FAM107B: variants seen among roughly 807,000 people sequenced by gnomAD.
FAM107B encodes family with sequence similarity 107 member B.
In FAM107B, 21 loss-of-function variants were observed where a neutral mutation model predicts 31.5. The ratio of observed to expected loss-of-function variants is 0.67; its 90% CI spans 0.47 to 0.96. The LOEUF (loss-of-function observed/expected upper bound fraction) is 0.96. Ranked by LOEUF, FAM107B falls within the 40% of genes least tolerant of loss-of-function variation. The pLI, the probability that FAM107B is intolerant of heterozygous loss-of-function variation, is 0.00. For missense variants in FAM107B, 452 were observed against 377.1 expected, an observed-to-expected ratio of 1.20 and a Z score of -1.64; for synonymous variants, 157 against 141.5, an observed-to-expected ratio of 1.11 and a Z score of -0.78.
At chr10:14,530,235 A>T in intron 3 of FAM107B, 97 bp downstream of exon 3, 1 of 1,285,790 alleles carries the variant, frequency 7.8e-7, no homozygotes, top group Non-Finnish European at 1.1e-6. Context: ...GCAAGAAATC[A>T]AAGACTCTTT....
At chr10:14,575,127 G>A (rs536934207) in intron 2 of FAM107B, among the ~76,000 whole-genome samples, 1 of 152,260 alleles carries the variant, frequency 6.6e-6, no homozygotes, top group South Asian at 2.1e-4. Context: ...AAAGCAGGTG[G>A]CATATTTTTT....
chr10:14,597,792 A>C lies in FAM107B; in HGVS notation c.470-67277T>G, dbSNP rs186316665. On this transcript the variant is annotated intron_variant, in intron 2 of 4. Coordinates refer to ENST00000181796, the MANE Select transcript of FAM107B (RefSeq NM_031453.4). ...TGGTGAAACCCCATTTCTACTAAAA[A>C]TACAAAAGTGAGCCAGGCGTGGTGG... Among the ~76,000 whole-genome samples, 887 of 152,252 alleles carry C rather than the reference A, an allele frequency of 5.8e-3. 8 individuals carry two copies. Among genetic ancestry groups the C allele is most frequent in the African/African-American group, 0.021 (859 of 41,540 alleles).
intron 1 of FAM107B, among the ~76,000 whole-genome samples, chr10:14,694,374 T>C (rs1394136026): frequency 2.6e-5 from 4 of 152,154 alleles, no homozygotes; most frequent in African/African-American, 9.7e-5. Context: ...CTCTCACCGA[T>C]ATTTGTTATG....
intron 2 of FAM107B, among the ~76,000 whole-genome samples, chr10:14,636,686 T>C (rs1228561432): frequency 7.9e-5 from 12 of 151,170 alleles, no homozygotes; most frequent in Admixed American, 6.6e-5. Context: ...GGGCTCAACA[T>C]ATGAATTTTA....
chr10:14,587,800 T>C (rs139888450), intron 2 of FAM107B, among the ~76,000 whole-genome samples: 134 of 152,282 alleles, frequency 8.8e-4, no homozygotes, highest in African/African-American at 3.2e-3. Flanking sequence ...GAGAGAGCTC[T>C]AGTCCTAGAT....
intron 2 of FAM107B, among the ~76,000 whole-genome samples, chr10:14,557,792 C>A (rs558560016): frequency 2.6e-5 from 4 of 152,316 alleles, no homozygotes; most frequent in Admixed American, 6.5e-5. Context: ...TAGCAGCCTG[C>A]CCATGGTGAT....
chr10:14,770,975 T>TAAAAAAA (rs56378196), intron 1 of FAM107B, among the ~76,000 whole-genome samples: 5 of 58,924 alleles, frequency 8.5e-5, no homozygotes, highest in Non-Finnish European at 1.4e-4. Context: ...GAGGCTGAAC[T>TAAAAAAA]AAAAAAAAAA....
chr10:14,640,451 T>C (rs1853600469), intron 2 of FAM107B, among the ~76,000 whole-genome samples: 1 of 152,158 alleles, frequency 6.6e-6, no homozygotes, highest in Admixed American at 6.5e-5. Flanking sequence ...TCCACATCTC[T>C]CAAGGAAAGT....
intron 1 of FAM107B, 85 bp downstream of exon 1, chr10:14,774,168 T>A: frequency 6.6e-7 from 1 of 1,506,264 alleles, no homozygotes. Flanking sequence ...GTTAAATGAG[T>A]TTGTTTGCTG....
intron 2 of FAM107B, among the ~76,000 whole-genome samples, chr10:14,588,861 CT>C (rs1222174342): frequency 6.6e-6 from 1 of 151,948 alleles, no homozygotes; most frequent in Non-Finnish European, 1.5e-5. Flanking sequence ...AAGTTGATTC[CT>C]TCATGATGTT....
At chr10:14,625,658 T>G (rs2131408644) in intron 2 of FAM107B, among the ~76,000 whole-genome samples, 1 of 152,260 alleles carries the variant, frequency 6.6e-6, no homozygotes, top group South Asian at 2.1e-4. Context: ...AGAACTGAGC[T>G]GCGTTTTACA....
rs1361319791 is a variant in FAM107B, at chr10:14,520,554, T to C, written c.*636A>G. The C allele has an allele frequency of 5.3e-5, 8 of 152,184 alleles. No homozygotes were observed. In the East Asian group the frequency reaches 1.5e-3, roughly 29 times the overall value. The allele number at this position is 152,184 out of a possible 1,614,324, so 9.4% of individuals were successfully genotyped here. ...TTATTACACAGAGAACCAAAAGGAA[T>C]GAAAATAAAATCAAGATGGGCTTTT... On this transcript the variant is annotated 3_prime_UTR_variant, in exon 5 of 5. Coordinates refer to ENST00000181796, the MANE Select transcript of FAM107B (RefSeq NM_031453.4).
chr10:14,677,286 C>G (rs1854706408), intron 1 of FAM107B, among the ~76,000 whole-genome samples: 1 of 152,186 alleles, frequency 6.6e-6, no homozygotes, highest in South Asian at 2.1e-4. Context: ...AAGCACTACA[C>G]TAAACTCTCT....
intron 2 of FAM107B, among the ~76,000 whole-genome samples, chr10:14,584,029 C>G (rs1295828727): frequency 6.6e-6 from 1 of 152,198 alleles, no homozygotes; most frequent in Non-Finnish European, 1.5e-5. Flanking sequence ...CACTGCCTTT[C>G]AGTAGGAGTT....
chr10:14,696,811 G>A (rs956059288), intron 1 of FAM107B, among the ~76,000 whole-genome samples: 3 of 152,216 alleles, frequency 2.0e-5, no homozygotes, highest in Non-Finnish European at 4.4e-5. Flanking sequence ...ACTTTGCAGA[G>A]AAGGGTGGGA....
chr10:14,632,627 A>G (rs956298523), intron 2 of FAM107B, among the ~76,000 whole-genome samples: 7 of 151,732 alleles, frequency 4.6e-5, no homozygotes, highest in Admixed American at 1.3e-4. Context: ...AAAAAAAAAA[A>G]AGAGAATTCA....
intron 2 of FAM107B, among the ~76,000 whole-genome samples, chr10:14,533,534 T>C (rs1847265721): frequency 6.6e-6 from 1 of 152,184 alleles, no homozygotes; most frequent in Admixed American, 6.5e-5. Context: ...TTTACCTGAC[T>C]GACTCGCTCT....
chr10:14,719,700 C>T (rs913278506), intron 1 of FAM107B, among the ~76,000 whole-genome samples: 4 of 152,278 alleles, frequency 2.6e-5, no homozygotes, highest in East Asian at 1.9e-4. Flanking sequence ...CTCTCTGCTT[C>T]GGGCAGCACT....
intron 1 of FAM107B, among the ~76,000 whole-genome samples, chr10:14,687,743 T>G (rs1196095509): frequency 6.6e-6 from 1 of 152,184 alleles, no homozygotes. Context: ...TCTGCCCAAT[T>G]CTTATTCCTG....
Sources: gnomAD v4.1 joint callset for allele counts (sites outside exome capture counted in the v4.1 genomes callset) on GRCh38, gnomAD v4.1.1 for gene constraint, MANE v1.5 for transcripts, NCBI Gene and HGNC (gene_info 2026-07-23, HGNC 2026-07-21) for gene names.